Variants in RASA3 observed in about 807,000 individuals in gnomAD.
The protein encoded by RASA3 is ras GTPase-activating protein 3.
A neutral mutation model predicts 110.0 loss-of-function variants in RASA3; 73 were observed. That is an observed-to-expected ratio of 0.66 (90% CI 0.55 to 0.81). The LOEUF is 0.81. RASA3 is among the 30% of genes least tolerant of loss of function. The pLI is 0.00. For synonymous variants in RASA3, 500 were observed against 451.4 expected (o/e 1.11, Z -1.37); for missense variants, 976 against 1,113.2 (o/e 0.88, Z 1.75).
At chr13:114,089,006 T>C (rs2079856290) in intron 1 of RASA3, among the ~76,000 whole-genome samples, 1 of 152,062 alleles carries the variant, frequency 6.6e-6, no homozygotes. Context: ...AGCACAGCGG[T>C]GCAGGGACAG....
At chr13:114,021,117 G>A in intron 9 of RASA3, among the ~76,000 whole-genome samples, 1 of 152,176 alleles carries the variant, frequency 6.6e-6, no homozygotes, top group Non-Finnish European at 1.5e-5. Context: ...CGTGGCTTAG[G>A]GCCGCTTTCA....
rs2053638552 is a variant in RASA3, at chr13:114,011,577, T to C, written c.1513-329A>G. Reference sequence around the variant, plus strand: ...CTGAGTCTCGGGGTGCTGAGTCTCCTGGCCCTGCCTGGGGCTCATCTCAGC... The same window carrying C: ...CTGAGTCTCGGGGTGCTGAGTCTCCCGGCCCTGCCTGGGGCTCATCTCAGC... On this transcript the variant is annotated intron_variant, in intron 15 of 23. Coordinates refer to ENST00000334062, the MANE Select transcript of RASA3 (RefSeq NM_007368.4). This position sits in a 1 kb window ranked among gnomAD's most constrained non-coding sequence, Gnocchi z 4.8. 6.6e-6 allele frequency among the ~76,000 whole-genome samples: 1 copy of C among 152,108 alleles called. No individual in the cohort carries two copies. The highest frequency in any genetic ancestry group is 2.4e-5 in the African/African-American group (1 of 41,410).
chr13:114,002,782 G>A (rs1427714528), intron 18 of RASA3, among the ~76,000 whole-genome samples: 1 of 152,176 alleles, frequency 6.6e-6, no homozygotes, highest in Non-Finnish European at 1.5e-5. Context: ...TCCAGGAGTC[G>A]GTTTTCTAAC....
At chr13:114,031,102 T>C (rs1373169147) in intron 4 of RASA3, among the ~76,000 whole-genome samples, 1 of 89,800 alleles carries the variant, frequency 1.1e-5, no homozygotes, top group African/African-American at 6.3e-5. Context: ...TGCATGTGAT[T>C]GTGTGTATCT....
At chr13:114,009,887 G>A (rs2053595138) in intron 16 of RASA3, among the ~76,000 whole-genome samples, 1 of 152,250 alleles carries the variant, frequency 6.6e-6, no homozygotes, top group African/African-American at 2.4e-5. Flanking sequence ...GGTGGGAAGA[G>A]GGGGCAGGGA....
chr13:114,110,095 G>A (rs2080196754), intron 1 of RASA3, among the ~76,000 whole-genome samples: 1 of 152,214 alleles, frequency 6.6e-6, no homozygotes, highest in Non-Finnish European at 1.5e-5. Flanking sequence ...CTGCAGCCTG[G>A]GTGGTTGGTA....
At position 113,992,473 on chromosome 13, in the gene RASA3, G is replaced by A. The variant is rs201839245; in HGVS notation, c.2245+12C>T. 23 of 1,604,916 alleles carry A rather than the reference G, an allele frequency of 1.4e-5. No individual in the cohort carries two copies. The highest frequency in any genetic ancestry group is 7.7e-5 in the South Asian group (7 of 90,848). On this transcript the variant is annotated intron_variant, in intron 22 of 23. Transcript: ENST00000334062. Reference sequence around the variant, plus strand: ...CCCTCGCTGCACAGATCTGTGTGCCGGGCAGACTCACCCTGCATCTTCTCC... The same window carrying A: ...CCCTCGCTGCACAGATCTGTGTGCCAGGCAGACTCACCCTGCATCTTCTCC...
Position 114,011,883 on chromosome 13 carries a change from C to T in RASA3, c.1513-635G>A, listed in dbSNP as rs1235517602. Among the ~76,000 whole-genome samples, 5 of 151,938 alleles carry T rather than the reference C, an allele frequency of 3.3e-5. No homozygotes were observed. Among genetic ancestry groups the T allele is most frequent in the Admixed American group, 1.3e-4 (2 of 15,264 alleles). ...GTTGCAGTGAGCTGAGATGGTACCA[C>T]TGCACGCCAGCCTGGTGACAGAGCA... On this transcript the variant is annotated intron_variant, in intron 15 of 23. Coordinates refer to ENST00000334062, the MANE Select transcript of RASA3 (RefSeq NM_007368.4). The surrounding 1 kb of genome is among the most constrained non-coding windows in gnomAD (Gnocchi z 4.8).
At chr13:114,125,883 C>G (rs941970175) in intron 1 of RASA3, among the ~76,000 whole-genome samples, 7 of 151,722 alleles carry the variant, frequency 4.6e-5, no homozygotes, top group Non-Finnish European at 8.8e-5. Flanking sequence ...CTCGCACCCT[C>G]CAGAGGTACC....
At position 114,114,407 on chromosome 13, in the gene RASA3, AG is replaced by A. The variant is rs1016574978; in HGVS notation, c.55+18027del. On this transcript the variant is annotated intron_variant, in intron 1 of 23. Transcript: ENST00000334062. The surrounding 1 kb of genome is among the most constrained non-coding windows in gnomAD (Gnocchi z 4.8). ...CTTGACCTGGCACGCAGAGGGGTGAAGGAACGGGGACACGGATGGATGGAGG... is the reference window on the plus strand; with the variant it reads ...CTTGACCTGGCACGCAGAGGGGTGAAGAACGGGGACACGGATGGATGGAGG... Among the ~76,000 whole-genome samples, 3 of 152,332 alleles carry A rather than the reference AG, an allele frequency of 2.0e-5. No homozygotes were observed. The highest frequency in any genetic ancestry group is 2.0e-4 in the Admixed American group (3 of 15,304).
chr13:114,013,622 C>CTCTCTCTCTCTCCATCTCTT (rs1566478143), intron 14 of RASA3, among the ~76,000 whole-genome samples: 1 of 67,868 alleles, frequency 1.5e-5, no homozygotes, highest in African/African-American at 6.2e-5. Context: ...CCCCCTCCAT[C>CTCTCTCTCTCTCCATCTCTT]TGTCTCTCTC....
At chr13:114,025,879 CT>C (rs2054016764) in intron 7 of RASA3, among the ~76,000 whole-genome samples, 1 of 152,190 alleles carries the variant, frequency 6.6e-6, no homozygotes, top group South Asian at 2.1e-4. Context: ...CAGCCTCCAG[CT>C]GGGTCAGAAG....
At chr13:114,039,820 A>AG (rs1189873547) in intron 4 of RASA3, among the ~76,000 whole-genome samples, 2 of 152,120 alleles carry the variant, frequency 1.3e-5, no homozygotes, top group Admixed American at 1.3e-4. Context: ...TTGCGTGGGG[A>AG]GGTGGGACAA....
intron 17 of RASA3, among the ~76,000 whole-genome samples, 185 bp from the exon 18 acceptor site, chr13:114,007,791 C>T (rs1191637856): frequency 2.6e-5 from 4 of 152,214 alleles, no homozygotes; most frequent in Admixed American, 1.3e-4. Context: ...ACCCCAGCCC[C>T]GGCACTGCCA....
At chr13:113,990,923 G>A (rs1304988068) in intron 22 of RASA3, among the ~76,000 whole-genome samples, 2 of 152,258 alleles carry the variant, frequency 1.3e-5, no homozygotes, top group African/African-American at 2.4e-5. Context: ...TGGAACCCAC[G>A]TACACCCAGG....
chr13:114,015,120 G>C, intron 14 of RASA3, 89 bp downstream of exon 14: 1 of 1,545,006 alleles, frequency 6.5e-7, no homozygotes, highest in Non-Finnish European at 8.8e-7. Context: ...AGTCTAGCCA[G>C]GGCTGCGGGG....
At chr13:114,102,950 C>T (rs2080078984) in intron 1 of RASA3, among the ~76,000 whole-genome samples, 1 of 151,436 alleles carries the variant, frequency 6.6e-6, no homozygotes, top group Non-Finnish European at 1.5e-5. Flanking sequence ...CAGGTGGGCT[C>T]CCAGAGTTGG....
In RASA3 at chr13:113,979,221, G is replaced by A; in HGVS notation, c.*126C>T. ...GGAGAGGGAAACCCCAGCGCCACTT[G>A]TCTATGGGCCGGGACGGCGTGCATC... On this transcript the variant is annotated 3_prime_UTR_variant, in exon 24 of 24. Coordinates refer to ENST00000334062, the MANE Select transcript of RASA3 (RefSeq NM_007368.4). 3 of 946,054 alleles carry A rather than the reference G, an allele frequency of 3.2e-6. No individual in the cohort carries two copies. Among genetic ancestry groups the A allele is most frequent in the Non-Finnish European group, 3.3e-6 (2 of 603,826 alleles). 58.6% of individuals were successfully genotyped at this position (946,054 alleles called of 1,614,324 possible).
At chr13:114,012,125 G>A (rs1468649938) in intron 15 of RASA3, among the ~76,000 whole-genome samples, 1 of 151,980 alleles carries the variant, frequency 6.6e-6, no homozygotes, top group African/African-American at 2.4e-5. Context: ...ATGATACGCC[G>A]ATCATCAATA....
Sources: gnomAD v4.1 joint callset for allele counts (sites outside exome capture counted in the v4.1 genomes callset) on GRCh38, gnomAD v4.1.1 for gene constraint, Gnocchi (gnomAD v3.1) non-coding constraint, MANE v1.5 for transcripts, NCBI Gene and HGNC (gene_info 2026-07-23, HGNC 2026-07-21) for gene names.